GRIN2A: variants seen among roughly 807,000 people sequenced by gnomAD.
GRIN2A encodes the protein glutamate receptor ionotropic, NMDA 2A.
In GRIN2A, 22 loss-of-function variants were observed where a neutral mutation model predicts 113.4. The observed-to-expected ratio is 0.19, with a 90% CI of 0.14 to 0.28. GRIN2A has a LOEUF of 0.28. Among genes scored for constraint, GRIN2A ranks in the 10% least tolerant of loss-of-function variants. The pLI, the probability that GRIN2A is intolerant of heterozygous loss-of-function variation, is 1.00. For missense variants in GRIN2A, 1,502 were observed against 1,887.0 expected, an observed-to-expected ratio of 0.80 and a Z score of 3.78; for synonymous variants, 827 against 738.4, an observed-to-expected ratio of 1.12 and a Z score of -1.94.
At chr16:10,111,344 G>A (rs7187763) in intron 2 of GRIN2A, 123,697 of 404,730 alleles carry the variant, frequency 0.31, 19,704 homozygotes, top group East Asian at 0.45. Context: ...GCAGGCGGCC[G>A]CGCGGGTGTT....
chr16:9,888,130 G>A (rs866120603), intron 4 of GRIN2A, among the ~76,000 whole-genome samples: 6 of 152,014 alleles, frequency 3.9e-5, no homozygotes, highest in African/African-American at 7.2e-5. Flanking sequence ...TAGTAGAGAC[G>A]GGGTTTCACC....
intron 2 of GRIN2A, among the ~76,000 whole-genome samples, chr16:10,177,042 T>C (rs2050162985): frequency 6.6e-6 from 1 of 152,126 alleles, no homozygotes; most frequent in Non-Finnish European, 1.5e-5. Flanking sequence ...GCCTTGTCAA[T>C]CTAGGAAGGT....
chr16:9,757,796 A>C lies in GRIN2A; in HGVS notation c.*5353T>G. On this transcript the variant is annotated 3_prime_UTR_variant, in exon 13 of 13. Transcript: ENST00000330684. ...AAAGTTTTCTCTTCTAGGAACTTTA[A>C]GACAGGGATTGTGAGGGAGTTTAAA... is the stretch of plus-strand genomic sequence containing the variant. 1 of 221,878 alleles carries C rather than the reference A, an allele frequency of 4.5e-6. No homozygotes were observed. The allele number at this position is 221,878 out of a possible 1,614,324, so 13.7% of individuals were successfully genotyped here. A position where few individuals can be genotyped will look rare whatever the true frequency, so the allele number is the denominator to read the frequency against.
At position 9,764,338 on chromosome 16, in the gene GRIN2A, G is replaced by A. The variant is rs777249842; in HGVS notation, c.3206C>T (p.Thr1069Met). The A allele has an allele frequency of 3.1e-6, 5 of 1,614,088 alleles. No homozygotes were observed. Among genetic ancestry groups the A allele is most frequent in the East Asian group, 2.2e-5 (1 of 44,870 alleles). Residue 1069 changes from threonine (T) to methionine (M), a missense_variant, in exon 13 of 13, where the codon ACG becomes ATG. Around this residue, in one of 7 missense-constraint regions of GRIN2A, gnomAD observed 832 missense variants for 789.7 expected, o/e 1.05. Coordinates refer to ENST00000330684, the MANE Select transcript of GRIN2A (RefSeq NM_001134407.3). ...SDISETSNRATCHREPDNSKN... is the reference protein window; with the variant it reads ...SDISETSNRAMCHREPDNSKN... ...ACTGTTGTCAGGTTCCCTGTGGCAC[G>A]TGGCCCGATTTGACGTTTCTGAAAT...
intron 2 of GRIN2A, among the ~76,000 whole-genome samples, chr16:9,948,385 T>C (rs1052667897): frequency 6.6e-6 from 1 of 152,068 alleles, no homozygotes; most frequent in African/African-American, 2.4e-5. Flanking sequence ...AGCTCCCGAG[T>C]GGCATCAGTT....
chr16:9,959,423 C>G (rs2045384149), intron 2 of GRIN2A, among the ~76,000 whole-genome samples: 1 of 152,218 alleles, frequency 6.6e-6, no homozygotes, highest in East Asian at 1.9e-4. Context: ...CTTGTAGGTT[C>G]CACCTGATTC....
intron 10 of GRIN2A, among the ~76,000 whole-genome samples, chr16:9,806,507 A>C (rs1339142211): frequency 1.3e-5 from 2 of 152,196 alleles, no homozygotes; most frequent in East Asian, 3.8e-4. Context: ...CTGATAATAA[A>C]TCCTGAGTGA....
intron 11 of GRIN2A, among the ~76,000 whole-genome samples, chr16:9,779,332 T>G (rs781503983): frequency 1.2e-4 from 19 of 152,244 alleles, no homozygotes; most frequent in Non-Finnish European, 2.8e-4. Flanking sequence ...CAAGTAAAAT[T>G]ATCTCACTGC....
chr16:10,046,289 A>G (rs539420500), intron 2 of GRIN2A, among the ~76,000 whole-genome samples: 1 of 151,646 alleles, frequency 6.6e-6, no homozygotes, highest in Non-Finnish European at 1.5e-5. Context: ...CACCCTGAGG[A>G]TGCAGCCAAT....
At chr16:9,805,395 A>G (rs533336726) in intron 10 of GRIN2A, 1 of 152,342 alleles carries the variant, frequency 6.6e-6, no homozygotes, top group East Asian at 1.9e-4. Flanking sequence ...GAATTAATGA[A>G]ACCAGCATGT....
chr16:9,855,692 C>A (rs548907770), intron 4 of GRIN2A, among the ~76,000 whole-genome samples: 2 of 152,252 alleles, frequency 1.3e-5, no homozygotes, highest in East Asian at 3.9e-4. Flanking sequence ...GCAAAGGTGG[C>A]ACTCCTTACT....
In GRIN2A at chr16:9,848,366, C is replaced by T. The variant is rs148445266; in HGVS notation, c.1328+1390G>A. On this transcript the variant is annotated intron_variant, in intron 5 of 12. Transcript: ENST00000330684. ...GAGTAGCTGGGATCACAGGCGCCCA[C>T]CACCATAGCTGGCTAATTTTTGTAC... Among the ~76,000 whole-genome samples the T allele has an allele frequency of 3.5e-3, 532 of 150,664 alleles. 3 individuals are homozygous for T. Among genetic ancestry groups the T allele is most frequent in the Middle Eastern group, 6.9e-3 (2 of 290 alleles).
chr16:9,763,068 T>C lies in GRIN2A; in HGVS notation c.*81A>G, dbSNP rs1900657666. The C allele has an allele frequency of 1.1e-5, 16 of 1,402,262 alleles. No homozygotes were observed. Among genetic ancestry groups the C allele is most frequent in the Non-Finnish European group, 1.5e-5 (15 of 997,950 alleles). The allele number at this position is 1,402,262 out of a possible 1,614,324, so 86.9% of individuals were successfully genotyped here. On this transcript the variant is annotated 3_prime_UTR_variant, in exon 13 of 13. Coordinates refer to ENST00000330684, the MANE Select transcript of GRIN2A (RefSeq NM_001134407.3). ...CATCTTCTTCCTCTTAGCAGGGCACTATTGGACATCCAACATTTACCCTCC... is the reference window on the plus strand; with the variant it reads ...CATCTTCTTCCTCTTAGCAGGGCACCATTGGACATCCAACATTTACCCTCC...
At chr16:9,974,346 G>T (rs1197738266) in intron 2 of GRIN2A, among the ~76,000 whole-genome samples, 1 of 152,118 alleles carries the variant, frequency 6.6e-6, no homozygotes, top group Non-Finnish European at 1.5e-5. Context: ...TGACCTAACC[G>T]GTTATGTTAT....
intron 4 of GRIN2A, among the ~76,000 whole-genome samples, chr16:9,852,648 C>T (rs1252738088): frequency 6.6e-6 from 1 of 152,086 alleles, no homozygotes; most frequent in Non-Finnish European, 1.5e-5. Flanking sequence ...TCAACACTGC[C>T]CTAGGTCCCA....
chr16:10,076,710 G>A (rs1287110162), intron 2 of GRIN2A, among the ~76,000 whole-genome samples: 5 of 152,150 alleles, frequency 3.3e-5, no homozygotes, highest in African/African-American at 9.7e-5. Flanking sequence ...CTGAACAAAT[G>A]CAGAAAGTAA....
chr16:10,115,691 C>T (rs2142162396), intron 2 of GRIN2A, among the ~76,000 whole-genome samples: 1 of 152,322 alleles, frequency 6.6e-6, no homozygotes, highest in Middle Eastern at 3.4e-3. Context: ...CAACTGTATT[C>T]TCAAGCTGAA....
At chr16:9,910,653 T>A (rs1596573728) in intron 3 of GRIN2A, among the ~76,000 whole-genome samples, 1 of 150,416 alleles carries the variant, frequency 6.6e-6, no homozygotes, top group South Asian at 2.1e-4. Flanking sequence ...TTCTCCTGCC[T>A]CAGCCTCCTG....
At chr16:10,076,295 A>G (rs915204816) in intron 2 of GRIN2A, among the ~76,000 whole-genome samples, 12 of 152,170 alleles carry the variant, frequency 7.9e-5, no homozygotes, top group Non-Finnish European at 1.5e-4. Context: ...AACAGGATCC[A>G]GTGGGCCTTG....
Sources: gnomAD v4.1 joint callset for allele counts (sites outside exome capture counted in the v4.1 genomes callset) on GRCh38, gnomAD v4.1.1 for gene constraint, gnomAD v4.1.1 regional missense constraint, MANE v1.5 for transcripts, NCBI Gene and HGNC (gene_info 2026-07-23, HGNC 2026-07-21) for gene names.